The following RELL1 variants were observed in gnomAD, a reference collection of about 807,000 sequenced individuals.
RELL1 encodes the protein RELT-like protein 1.
Under a neutral mutation model 23.0 loss-of-function variants are expected in RELL1, and 10 were observed. The ratio of observed to expected loss-of-function variants is 0.43; its 90% CI spans 0.27 to 0.74. The LOEUF (loss-of-function observed/expected upper bound fraction) is 0.74, where lower values mean the gene tolerates loss of function less well. RELL1 is among the 30% of genes least tolerant of loss of function. RELL1 has a pLI of 0.19. For synonymous variants in RELL1, 146 were observed against 146.8 expected (o/e 0.99, Z 0.04); for missense variants, 315 against 364.4 (o/e 0.86, Z 1.10).
At chr4:37,642,190 C>A (rs1437922203) in intron 3 of RELL1, among the ~76,000 whole-genome samples, 2 of 152,204 alleles carry the variant, frequency 1.3e-5, no homozygotes, top group African/African-American at 4.8e-5. Context: ...ATAAAGGAAT[C>A]TTTTCTGGCA....
downstream of RELL1, among the ~76,000 whole-genome samples, chr4:37,609,260 G>A (rs1364068866): frequency 2.0e-5 from 3 of 152,170 alleles, no homozygotes; most frequent in Admixed American, 6.5e-5. Flanking sequence ...GACTCTGCCT[G>A]TAAACAGCCT....
chr4:37,670,960 C>A (rs1721815163), intron 1 of RELL1, among the ~76,000 whole-genome samples: 1 of 152,198 alleles, frequency 6.6e-6, no homozygotes, highest in Non-Finnish European at 1.5e-5. Flanking sequence ...CCAGCCCCAA[C>A]GTTTTCATAT....
In RELL1 at chr4:37,669,298, C is replaced by T. The variant is rs548087468; in HGVS notation, c.88+16902G>A. 2.6e-3 allele frequency among the ~76,000 whole-genome samples: 375 copies of T among 146,682 alleles called. 6 individuals are homozygous for T. The highest frequency in any genetic ancestry group is 9.2e-3 in the African/African-American group (346 of 37,718). On this transcript the variant is annotated intron_variant, in intron 1 of 6. Coordinates refer to ENST00000454158, the MANE Select transcript of RELL1 (RefSeq NM_001085400.2). Reference sequence around the variant, plus strand: ...GAGGTGAGGGGAGCCTCTGCCCGGCCGCCTCTACTGGGAAGTGAGGAGCCC... The same window carrying T: ...GAGGTGAGGGGAGCCTCTGCCCGGCTGCCTCTACTGGGAAGTGAGGAGCCC...
intron 1 of RELL1, among the ~76,000 whole-genome samples, chr4:37,679,713 G>A (rs1238063064): frequency 6.6e-6 from 1 of 152,152 alleles, no homozygotes; most frequent in Non-Finnish European, 1.5e-5. Flanking sequence ...CCAGCACTTT[G>A]GGAGGCCGAG....
chr4:37,685,475 T>C (rs1027413617), intron 1 of RELL1, among the ~76,000 whole-genome samples: 1 of 152,212 alleles, frequency 6.6e-6, no homozygotes, highest in African/African-American at 2.4e-5. Flanking sequence ...TTAAGATTGA[T>C]TTCAATTAAA....
chr4:37,617,143 A>T (rs1183532818), intron 6 of RELL1, among the ~76,000 whole-genome samples: 2 of 152,214 alleles, frequency 1.3e-5, no homozygotes, highest in African/African-American at 4.8e-5. Context: ...TGATCAGCAG[A>T]ACCTGCTTTA....
chr4:37,616,477 T>C (rs1158230204), intron 6 of RELL1, among the ~76,000 whole-genome samples: 1 of 152,192 alleles, frequency 6.6e-6, no homozygotes, highest in East Asian at 1.9e-4. Flanking sequence ...AAACTAGAAA[T>C]GCTGCCAGGG....
intron 6 of RELL1, among the ~76,000 whole-genome samples, chr4:37,599,980 G>A (rs1469153942): frequency 6.6e-6 from 1 of 152,148 alleles, no homozygotes; most frequent in African/African-American, 2.4e-5. Context: ...AATGTTAGAT[G>A]TAATTTTGTC....
chr4:37,658,953 T>C (rs540810635), intron 1 of RELL1, among the ~76,000 whole-genome samples: 1 of 151,916 alleles, frequency 6.6e-6, no homozygotes, highest in East Asian at 1.9e-4. Flanking sequence ...TTTGCCCTTA[T>C]CACCAATCAA....
chr4:37,604,706 A>G (rs1719106083), intron 6 of RELL1, among the ~76,000 whole-genome samples: 1 of 152,122 alleles, frequency 6.6e-6, no homozygotes. Context: ...GAGCTGACTT[A>G]AGAAACTTTG....
At chr4:37,587,203 T>C (rs114328023), downstream of RELL1, among the ~76,000 whole-genome samples, 295 of 152,270 alleles carry the variant, frequency 1.9e-3, 2 homozygotes, top group African/African-American at 6.5e-3. Context: ...CTCCACCTCC[T>C]TCTCATAAGC....
chr4:37,683,419 A>G (rs1722285810), intron 1 of RELL1, among the ~76,000 whole-genome samples: 1 of 152,216 alleles, frequency 6.6e-6, no homozygotes, highest in Non-Finnish European at 1.5e-5. Context: ...CAGTTGCCTT[A>G]CTGGAAGTAA....
At chr4:37,664,485 T>G (rs1001905057) in intron 1 of RELL1, among the ~76,000 whole-genome samples, 2 of 152,192 alleles carry the variant, frequency 1.3e-5, no homozygotes, top group African/African-American at 4.8e-5. Context: ...TATTCACAGA[T>G]GCATGTGTTC....
intron 1 of RELL1, among the ~76,000 whole-genome samples, chr4:37,653,416 A>T (rs73807883): frequency 0.026 from 1,705 of 64,902 alleles, 38 homozygotes; most frequent in African/African-American, 0.098. Flanking sequence ...AAGTATTGAA[A>T]CCTCAATATT....
intron 1 of RELL1, among the ~76,000 whole-genome samples, chr4:37,682,980 C>T (rs1722273422): frequency 6.6e-6 from 1 of 152,214 alleles, no homozygotes; most frequent in African/African-American, 2.4e-5. Flanking sequence ...CGTGGAAAAT[C>T]ATCCCTTTGG....
intron 3 of RELL1, among the ~76,000 whole-genome samples, chr4:37,643,589 C>T (rs2109275326): frequency 6.6e-6 from 1 of 152,248 alleles, no homozygotes; most frequent in Non-Finnish European, 1.5e-5. Flanking sequence ...AGTCATGGTA[C>T]ACGTATCACT....
intron 3 of RELL1, among the ~76,000 whole-genome samples, chr4:37,644,756 G>A (rs1258500328): frequency 1.3e-5 from 2 of 151,942 alleles, no homozygotes; most frequent in South Asian, 2.1e-4. Flanking sequence ...CAGCACGCCC[G>A]GCCGCTACTT....
intron 1 of RELL1, among the ~76,000 whole-genome samples, chr4:37,660,985 T>TAAC (rs1427223114): frequency 6.6e-6 from 1 of 151,344 alleles, no homozygotes; most frequent in Non-Finnish European, 1.5e-5. Flanking sequence ...GAGCCGAGAC[T>TAAC]GTGCCACTGC....
intron 1 of RELL1, among the ~76,000 whole-genome samples, chr4:37,651,867 G>A (rs774068384): frequency 9.2e-5 from 14 of 152,050 alleles, no homozygotes; most frequent in South Asian, 2.1e-4. Context: ...ATTCTTCTCC[G>A]CCCTCCTCAC....
Sources: allele counts gnomAD v4.1 joint callset (sites outside exome capture counted in the v4.1 genomes callset), GRCh38; gene constraint gnomAD v4.1.1; transcripts MANE v1.5; gene names NCBI Gene and HGNC (gene_info 2026-07-23, HGNC 2026-07-21).